The following BPNT2 variants were observed in gnomAD, a reference collection of about 807,000 sequenced individuals.
The protein encoded by BPNT2 is Golgi-resident adenosine 3',5'-bisphosphate 3'-phosphatase.
BPNT2 carries 11 observed loss-of-function variants against 29.3 expected under a neutral mutation model. The observed-to-expected ratio is 0.38, with a 90% CI of 0.24 to 0.62. The LOEUF (loss-of-function observed/expected upper bound fraction) is 0.62, where lower values mean the gene tolerates loss of function less well. Among genes scored for constraint, BPNT2 ranks in the 20% least tolerant of loss-of-function variants. The probability of loss-of-function intolerance (pLI) is 0.62; values close to 1 mark genes in which losing one functional copy is unlikely to be tolerated. For missense variants in BPNT2, 459 were observed against 473.4 expected, an observed-to-expected ratio of 0.97 and a Z score of 0.28; for synonymous variants, 195 against 187.7, an observed-to-expected ratio of 1.04 and a Z score of -0.32.
intron 4 of BPNT2, among the ~76,000 whole-genome samples, chr8:56,964,711 G>A (rs933666152): frequency 2.0e-5 from 3 of 152,104 alleles, no homozygotes; most frequent in South Asian, 2.1e-4. Flanking sequence ...CATTCATTAC[G>A]TGCCATTTTC....
At chr8:56,982,861 A>G (rs1313543885) in intron 1 of BPNT2, among the ~76,000 whole-genome samples, 1 of 152,184 alleles carries the variant, frequency 6.6e-6, no homozygotes, top group Non-Finnish European at 1.5e-5. Flanking sequence ...ACCCTGATGA[A>G]TGGATAAATA....
At chr8:56,983,264 A>G (rs1480444154) in intron 1 of BPNT2, among the ~76,000 whole-genome samples, 1 of 152,250 alleles carries the variant, frequency 6.6e-6, no homozygotes, top group Admixed American at 6.5e-5. Context: ...AAAAAAAAGT[A>G]ATGTAGCTAG....
At chr8:56,968,758 A>G (rs150710276) in intron 3 of BPNT2, among the ~76,000 whole-genome samples, 29 of 152,388 alleles carry the variant, frequency 1.9e-4, no homozygotes, top group African/African-American at 6.3e-4. Flanking sequence ...CAGAATGCCA[A>G]TTCTAAAAGA....
intron 1 of BPNT2, among the ~76,000 whole-genome samples, chr8:56,989,983 G>A (rs1205978488): frequency 6.6e-6 from 1 of 152,196 alleles, no homozygotes; most frequent in African/African-American, 2.4e-5. Flanking sequence ...TTTTACAGAA[G>A]AGGAAACTAT....
At position 56,958,878 on chromosome 8, in the gene BPNT2, C is replaced by T. The variant is rs1805781960; in HGVS notation, c.*4915G>A. ...AAAGTCCATAAACGTGCCCTCCTAACACGAGAATAAGAAAGGTGGCTGAAG... is the reference window on the plus strand; with the variant it reads ...AAAGTCCATAAACGTGCCCTCCTAATACGAGAATAAGAAAGGTGGCTGAAG... On this transcript the variant is annotated 3_prime_UTR_variant, in exon 5 of 5. Transcript: ENST00000262644. 1.3e-5 allele frequency: 2 copies of T among 152,132 alleles called. No homozygotes were observed. Among genetic ancestry groups the T allele is most frequent in the Non-Finnish European group, 2.9e-5 (2 of 68,018 alleles). The allele number at this position is 152,132 out of a possible 1,614,324, so 9.4% of individuals were successfully genotyped here.
Position 56,993,837 on chromosome 8 carries a change from C to G in BPNT2, c.-252G>C, listed in dbSNP as rs886063021. ...AGGTTCTTCCGCCGGCCGGCTGGTC[C>G]GACTTCCACGTTAGCCTACGGCCGC... On this transcript the variant is annotated 5_prime_UTR_variant, in exon 1 of 5. Coordinates refer to ENST00000262644, the MANE Select transcript of BPNT2 (RefSeq NM_017813.5). 21 of 263,378 alleles carry G rather than the reference C, an allele frequency of 8.0e-5. 1 individual carries two copies. Among genetic ancestry groups the G allele is most frequent in the African/African-American group, 2.3e-5 (1 of 43,604 alleles). 16.3% of individuals were successfully genotyped at this position (263,378 alleles called of 1,614,324 possible). A position where few individuals can be genotyped will look rare whatever the true frequency, so the allele number is the denominator to read the frequency against.
At chr8:56,970,275 A>C (rs1333840635) in intron 3 of BPNT2, among the ~76,000 whole-genome samples, 1 of 152,230 alleles carries the variant, frequency 6.6e-6, no homozygotes, top group Admixed American at 6.5e-5. Context: ...TGCAGTAGGA[A>C]GTATGTGAAA....
At chr8:56,967,115 A>G (rs529622274) in intron 3 of BPNT2, 2 of 456,172 alleles carry the variant, frequency 4.4e-6, no homozygotes, top group Middle Eastern at 6.5e-4. Flanking sequence ...CTTACTCAGA[A>G]TTATCCCAAT....
At chr8:56,964,645 T>C (rs1318663865) in intron 4 of BPNT2, among the ~76,000 whole-genome samples, 1 of 152,186 alleles carries the variant, frequency 6.6e-6, no homozygotes, top group Non-Finnish European at 1.5e-5. Context: ...ACCAAATATA[T>C]ACCTACAATT....
rs1449672039 is a variant in BPNT2 at position 56,958,318 on chromosome 8, A to G, written c.*5475T>C. The G allele has an allele frequency of 6.6e-6, 1 of 152,196 alleles. No homozygotes were observed. Among genetic ancestry groups the G allele is most frequent in the African/African-American group, 2.4e-5 (1 of 41,440 alleles). The allele number at this position is 152,196 out of a possible 1,614,324, so 9.4% of individuals were successfully genotyped here. On this transcript the variant is annotated 3_prime_UTR_variant, in exon 5 of 5. Coordinates refer to ENST00000262644, the MANE Select transcript of BPNT2 (RefSeq NM_017813.5). ...TGCAATCCCTCTCAAGAACTGTATA[A>G]TCTAGTAAGAGCACATACAGAGATG...
intron 4 of BPNT2, 185 bp from the exon 5 acceptor site, chr8:56,964,249 T>A (rs777983570): frequency 1.3e-5 from 7 of 530,932 alleles, no homozygotes; most frequent in Admixed American, 6.9e-5. Flanking sequence ...TGTATAAACA[T>A]TAAACTCAGA....
rs551089621 is a variant in BPNT2, at chr8:56,971,070, T to G, written c.647-4718A>C. ...ACTACCAGAATAATGTAAGAATTGC[T>G]GACTTAGTATTTTTAAAAATGTTCT... On this transcript the variant is annotated intron_variant, in intron 3 of 4. Coordinates refer to ENST00000262644, the MANE Select transcript of BPNT2 (RefSeq NM_017813.5). Among the ~76,000 whole-genome samples the G allele has an allele frequency of 4.9e-4, 74 of 152,238 alleles. 1 individual carries two copies. Among genetic ancestry groups the G allele is most frequent in the Admixed American group, 4.1e-3 (62 of 15,288 alleles).
chr8:56,968,389 T>TAAAAAAAAAAAAA (rs11428357), intron 3 of BPNT2, among the ~76,000 whole-genome samples: 1 of 121,812 alleles, frequency 8.2e-6, no homozygotes. Context: ...AGTGATAGAT[T>TAAAAAAAAAAAAA]AAAAAAAAAA....
At position 56,993,330 on chromosome 8, in the gene BPNT2, C is replaced by G; in HGVS notation, c.256G>C (p.Glu86Gln). The G allele has an allele frequency of 6.2e-7, 1 of 1,611,634 alleles. No homozygotes were observed. Among genetic ancestry groups the G allele is most frequent in the Non-Finnish European group, 8.5e-7 (1 of 1,179,908 alleles). Reference sequence around the variant, plus strand: ...GACTTCTCGTGGAGGACGTTGCTCTCGCGGACGCGCCTCACCTCGTCGCCG... The same window carrying G: ...GACTTCTCGTGGAGGACGTTGCTCTGGCGGACGCGCCTCACCTCGTCGCCG... ...RGGDEVRRVR[E>Q]SNVLHEKSKG... The change falls in exon 1 of 5, where the codon GAG becomes CAG. Residue 86 changes from glutamate (E) to glutamine (Q), a missense_variant. Transcript: ENST00000262644.
chr8:56,961,354 A>G lies in BPNT2; in HGVS notation c.*2439T>C, dbSNP rs1361198322. On this transcript the variant is annotated 3_prime_UTR_variant, in exon 5 of 5. Transcript: ENST00000262644. ...CAATGTCTTGTGTAAATAAATATAAATACTGTTCCTAATTCTGCAACGTAT... is the reference window on the plus strand; with the variant it reads ...CAATGTCTTGTGTAAATAAATATAAGTACTGTTCCTAATTCTGCAACGTAT... The G allele has an allele frequency of 6.6e-6, 1 of 152,200 alleles. No individual in the cohort carries two copies. Among genetic ancestry groups the G allele is most frequent in the Non-Finnish European group, 1.5e-5 (1 of 68,040 alleles). 9.4% of individuals were successfully genotyped at this position (152,200 alleles called of 1,614,324 possible). A position where few individuals can be genotyped will look rare whatever the true frequency, so the allele number is the denominator to read the frequency against.
At chr8:56,966,915 A>G (rs1461859064) in intron 3 of BPNT2, among the ~76,000 whole-genome samples, 1 of 152,246 alleles carries the variant, frequency 6.6e-6, no homozygotes, top group Non-Finnish European at 1.5e-5. Context: ...GACTTTATAA[A>G]CAGAAAACAG....
chr8:56,978,053 T>C lies in BPNT2; in HGVS notation c.643A>G (p.Thr215Ala). ...AAAGTTCTAGCAAATTTCATACCTG[T>C]ATATTCGGAAAATGGCTTATGTATA... The part of the protein sequence containing the change: ...GVIHKPFSEY[T>A]AWAMVDGGSN... The change falls in exon 3 of 5, where the codon ACA (threonine) becomes GCA (alanine). Residue 215 changes from threonine to alanine, a missense_variant. Coordinates refer to ENST00000262644, the MANE Select transcript of BPNT2 (RefSeq NM_017813.5). 1 of 1,565,748 alleles carries C rather than the reference T, an allele frequency of 6.4e-7. No individual in the cohort carries two copies. Among genetic ancestry groups the C allele is most frequent in the Non-Finnish European group, 8.8e-7 (1 of 1,136,248 alleles).
intron 1 of BPNT2, among the ~76,000 whole-genome samples, chr8:56,983,343 T>G (rs999482439): frequency 5.9e-5 from 9 of 152,306 alleles, no homozygotes; most frequent in African/African-American, 2.2e-4. Context: ...GGCAGGCATC[T>G]AGAAGTGCAT....
rs754477347 is a variant in BPNT2 at position 56,966,331 on chromosome 8, C to A, written c.668G>T (p.Gly223Val). 5.0e-6 allele frequency: 8 copies of A among 1,613,794 alleles called. No individual in the cohort carries two copies. In the African/African-American group the frequency reaches 5.3e-5, roughly 11 times the overall value. ...EYTAWAMVDGGSNVKARSSYN... is the reference protein window; with the variant it reads ...EYTAWAMVDGVSNVKARSSYN... The stretch of plus-strand genomic sequence containing the variant: ...GGAAGAGCGGGCTTTCACATTTGAA[C>A]CACCATCTACCATTGCCCAAGCTGA... The change falls in exon 4 of 5, where the codon GGT becomes GTT. Residue 223 changes from glycine to valine, a missense_variant. Coordinates refer to ENST00000262644, the MANE Select transcript of BPNT2 (RefSeq NM_017813.5).
Sources: allele counts gnomAD v4.1 joint callset (sites outside exome capture counted in the v4.1 genomes callset), GRCh38; gene constraint gnomAD v4.1.1; transcripts MANE v1.5; gene names NCBI Gene and HGNC (gene_info 2026-07-23, HGNC 2026-07-21).